The following FCHO2 variants were observed in gnomAD, a reference collection of about 807,000 sequenced individuals.
FCHO2 encodes FCH and mu domain containing endocytic adaptor 2.
In FCHO2, 43 loss-of-function variants were observed where a neutral mutation model predicts 114.1. That is an observed-to-expected ratio of 0.38 (90% CI 0.30 to 0.49). FCHO2 has a LOEUF of 0.49. Among genes scored for constraint, FCHO2 ranks in the 20% least tolerant of loss-of-function variants. FCHO2 has a pLI of 0.97. For missense variants in FCHO2, 807 were observed against 950.4 expected (o/e 0.85, Z 1.98); for synonymous variants, 293 against 315.2 (o/e 0.93, Z 0.75).
chr5:73,031,785 C>T (rs964141178), intron 8 of FCHO2, among the ~76,000 whole-genome samples: 1 of 152,084 alleles, frequency 6.6e-6, no homozygotes, highest in Non-Finnish European at 1.5e-5. Flanking sequence ...TGTAAAAGAG[C>T]ATCAGGAGAC....
intron 20 of FCHO2, among the ~76,000 whole-genome samples, chr5:73,076,300 A>G (rs778102357): frequency 6.6e-6 from 1 of 152,128 alleles, no homozygotes; most frequent in African/African-American, 2.4e-5. Flanking sequence ...AAGGTGATGC[A>G]GTCTAGACAA....
At chr5:72,994,656 C>T (rs908968463) in intron 5 of FCHO2, among the ~76,000 whole-genome samples, 2 of 152,112 alleles carry the variant, frequency 1.3e-5, no homozygotes, top group South Asian at 4.1e-4. Context: ...GAATATAAAT[C>T]GTTGTACCAT....
At chr5:73,012,545 T>C (rs185818352) in intron 6 of FCHO2, among the ~76,000 whole-genome samples, 1 of 144,400 alleles carries the variant, frequency 6.9e-6, no homozygotes, top group Non-Finnish European at 1.5e-5. Flanking sequence ...CTTGAACCCA[T>C]GAGGCAGAGG....
rs990083522 is a variant in FCHO2, at chr5:73,089,360, A to G, written c.*1270A>G. ...GCATTTTTTAAAAGATTAATTTTGG[A>G]AACAGAAGGAGAAGCACTGCCATTT... On this transcript the variant is annotated 3_prime_UTR_variant, in exon 26 of 26. Transcript: ENST00000430046. 6.6e-6 allele frequency: 1 copy of G among 152,154 alleles called. No homozygotes were observed. Among genetic ancestry groups the G allele is most frequent in the Non-Finnish European group, 1.5e-5 (1 of 67,954 alleles). 9.4% of individuals were successfully genotyped at this position (152,154 alleles called of 1,614,324 possible). A position where few individuals can be genotyped will look rare whatever the true frequency, so the allele number is the denominator to read the frequency against.
chr5:73,003,401 T>A (rs1163446104), intron 5 of FCHO2, among the ~76,000 whole-genome samples: 1 of 152,140 alleles, frequency 6.6e-6, no homozygotes, highest in African/African-American at 2.4e-5. Context: ...GGTCTTGAAC[T>A]CCTAGCCTCA....
At chr5:72,990,319 A>G (rs1397953645) in intron 3 of FCHO2, among the ~76,000 whole-genome samples, 159 bp from the exon 4 acceptor site, 3 of 152,138 alleles carry the variant, frequency 2.0e-5, no homozygotes, top group Non-Finnish European at 4.4e-5. Context: ...AAAAAATTCA[A>G]GGTCAGTCTG....
chr5:72,997,133 T>C, intron 5 of FCHO2: 1 of 1,129,686 alleles, frequency 8.9e-7, no homozygotes, highest in Non-Finnish European at 1.3e-6. Context: ...ACTTATTCAC[T>C]CCCACCATGA....
intron 1 of FCHO2, among the ~76,000 whole-genome samples, chr5:72,959,816 G>T (rs1751755702): frequency 1.4e-5 from 2 of 146,502 alleles, no homozygotes; most frequent in Non-Finnish European, 3.0e-5. Context: ...GTCTCACCGT[G>T]TTGCCTGGGC....
intron 1 of FCHO2, among the ~76,000 whole-genome samples, chr5:72,965,084 T>C (rs893330532): frequency 9.2e-5 from 14 of 151,820 alleles, no homozygotes; most frequent in Admixed American, 9.2e-4. Context: ...AGGCATCCAC[T>C]GGGGGTTTTG....
At chr5:72,991,652 A>T (rs1043512501) in intron 5 of FCHO2, among the ~76,000 whole-genome samples, 5 of 152,210 alleles carry the variant, frequency 3.3e-5, no homozygotes, top group Admixed American at 6.5e-5. Context: ...TCTCCTTTCA[A>T]AACAGTTTAA....
At chr5:73,030,427 A>T (rs1041628709) in intron 8 of FCHO2, among the ~76,000 whole-genome samples, 2 of 152,236 alleles carry the variant, frequency 1.3e-5, no homozygotes, top group African/African-American at 4.8e-5. Context: ...ATTGTTGAGA[A>T]CCTATAGCAT....
intron 11 of FCHO2, among the ~76,000 whole-genome samples, chr5:73,046,870 T>C (rs1270378313): frequency 6.6e-6 from 1 of 152,178 alleles, no homozygotes; most frequent in Non-Finnish European, 1.5e-5. Flanking sequence ...GTTTATTTAG[T>C]CTGGAAGTGA....
intron 11 of FCHO2, among the ~76,000 whole-genome samples, chr5:73,043,708 T>C: frequency 6.6e-6 from 1 of 152,180 alleles, no homozygotes; most frequent in East Asian, 1.9e-4. Context: ...GCAAGTATGA[T>C]ATTTTAAGTG....
At chr5:72,974,350 A>G (rs1343401101) in intron 2 of FCHO2, among the ~76,000 whole-genome samples, 1 of 142,188 alleles carries the variant, frequency 7.0e-6, no homozygotes, top group Admixed American at 6.9e-5. Flanking sequence ...GTCTCTTTGT[A>G]GGTCACTCAG....
chr5:72,956,648 A>G (rs7713398), intron 1 of FCHO2, among the ~76,000 whole-genome samples: 72,734 of 151,982 alleles, frequency 0.48, 18,564 homozygotes, highest in Admixed American at 0.61. Flanking sequence ...CTGGACTAGC[A>G]CTTCCTCTCA....
chr5:73,059,921 G>T (rs1757774499), intron 17 of FCHO2, among the ~76,000 whole-genome samples: 1 of 151,922 alleles, frequency 6.6e-6, no homozygotes, highest in South Asian at 2.1e-4. Flanking sequence ...TTAGAATGAG[G>T]AGTTCTCAGC....
chr5:73,035,408 G>T (rs960040150), intron 9 of FCHO2, among the ~76,000 whole-genome samples: 8 of 152,030 alleles, frequency 5.3e-5, no homozygotes, highest in African/African-American at 1.9e-4. Context: ...GACAGAGTGA[G>T]ACCCTGTCTC....
chr5:73,073,487 T>C (rs1342220908), intron 19 of FCHO2, among the ~76,000 whole-genome samples: 1 of 152,072 alleles, frequency 6.6e-6, no homozygotes, highest in Non-Finnish European at 1.5e-5. Context: ...GGCACCATTT[T>C]TTTTAAATGT....
intron 12 of FCHO2, 29 bp downstream of exon 12, chr5:73,051,435 G>C (rs766906082): frequency 1.4e-6 from 2 of 1,418,316 alleles, no homozygotes; most frequent in South Asian, 2.6e-5. Context: ...GTATTCTTAA[G>C]GATTATGTTG....
Sources: allele counts gnomAD v4.1 joint callset (sites outside exome capture counted in the v4.1 genomes callset), GRCh38; gene constraint gnomAD v4.1.1; transcripts MANE v1.5; gene names NCBI Gene and HGNC (gene_info 2026-07-23, HGNC 2026-07-21).